ZMAT3: variants seen among roughly 807,000 people sequenced by gnomAD.
ZMAT3 encodes zinc finger matrin-type protein 3.
A neutral mutation model predicts 32.3 loss-of-function variants in ZMAT3; 17 were observed. The ratio of observed to expected loss-of-function variants is 0.53; its 90% CI spans 0.36 to 0.79. The LOEUF (loss-of-function observed/expected upper bound fraction) is 0.79, where lower values mean the gene tolerates loss of function less well. Ranked by LOEUF, ZMAT3 falls within the 30% of genes least tolerant of loss-of-function variation. The pLI, the probability that ZMAT3 is intolerant of heterozygous loss-of-function variation, is 0.00. For missense variants in ZMAT3, 329 were observed against 359.7 expected, an observed-to-expected ratio of 0.91 and a Z score of 0.69; for synonymous variants, 120 against 133.1, an observed-to-expected ratio of 0.90 and a Z score of 0.68.
At chr3:179,049,213 T>A (rs1282111662) in intron 2 of ZMAT3, among the ~76,000 whole-genome samples, 1 of 152,176 alleles carries the variant, frequency 6.6e-6, no homozygotes, top group African/African-American at 2.4e-5. Flanking sequence ...TAGACAGCAA[T>A]ACAATAATTG....
rs147851244 is a variant in ZMAT3 at position 179,035,323 on chromosome 3, C to T, written c.271-4324G>A. Reference sequence around the variant, plus strand: ...TCCCCTGCTCATTATGCTCCTGGCTCACTAGGCTGCATGTGCTCCTTAAAC... The same window carrying T: ...TCCCCTGCTCATTATGCTCCTGGCTTACTAGGCTGCATGTGCTCCTTAAAC... On this transcript the variant is annotated intron_variant, in intron 2 of 5. Transcript: ENST00000311417. Among the ~76,000 whole-genome samples, 1,167 of 152,354 alleles carry T rather than the reference C, an allele frequency of 7.7e-3. 6 individuals are homozygous for T. The highest frequency in any genetic ancestry group is 0.012 in the Non-Finnish European group (841 of 68,036).
chr3:179,034,151 C>T (rs75866281), intron 2 of ZMAT3, among the ~76,000 whole-genome samples: 8,726 of 152,280 alleles, frequency 0.057, 356 homozygotes, highest in East Asian at 0.22. Context: ...TGCAGGCAAA[C>T]ATTTATTCAC....
At chr3:179,050,473 A>T (rs1720496438) in intron 2 of ZMAT3, among the ~76,000 whole-genome samples, 1 of 152,176 alleles carries the variant, frequency 6.6e-6, no homozygotes, top group Non-Finnish European at 1.5e-5. Context: ...AATGGTAATT[A>T]AAAAGTTACC....
intron 5 of ZMAT3, among the ~76,000 whole-genome samples, chr3:179,026,550 C>T (rs1019222529): frequency 6.6e-6 from 1 of 151,904 alleles, no homozygotes; most frequent in Non-Finnish European, 1.5e-5. Flanking sequence ...CCATGCCCAG[C>T]TAATTTTGTA....
intron 2 of ZMAT3, among the ~76,000 whole-genome samples, chr3:179,061,258 G>A (rs1015560287): frequency 6.6e-6 from 1 of 152,172 alleles, no homozygotes; most frequent in Non-Finnish European, 1.5e-5. Flanking sequence ...CAAGGAGATA[G>A]AGGGATCTAG....
chr3:179,025,665 A>G (rs967009741), intron 5 of ZMAT3, among the ~76,000 whole-genome samples: 3 of 152,204 alleles, frequency 2.0e-5, no homozygotes, highest in African/African-American at 7.2e-5. Flanking sequence ...GTGATTATAA[A>G]AGCAAAAATT....
intron 2 of ZMAT3, among the ~76,000 whole-genome samples, chr3:179,039,095 G>A (rs570995612): frequency 6.6e-6 from 1 of 152,240 alleles, no homozygotes; most frequent in Non-Finnish European, 1.5e-5. Flanking sequence ...AGCTCAACAA[G>A]GCCTACTGCC....
chr3:179,017,532 C>G lies in ZMAT3; in HGVS notation c.*7485G>C, dbSNP rs1167645743. On this transcript the variant is annotated 3_prime_UTR_variant, in exon 6 of 6. Transcript: ENST00000311417. Reference sequence around the variant, plus strand: ...AGCAGTGACTGGCACTCCGACCCAACAGCATACACAGATCTTAAGCCTCTG... The same window carrying G: ...AGCAGTGACTGGCACTCCGACCCAAGAGCATACACAGATCTTAAGCCTCTG... The G allele has an allele frequency of 1.3e-5, 2 of 152,188 alleles. No individual in the cohort carries two copies. Among genetic ancestry groups the G allele is most frequent in the African/African-American group, 2.4e-5 (1 of 41,454 alleles). 9.4% of individuals were successfully genotyped at this position (152,188 alleles called of 1,614,324 possible).
chr3:179,051,401 C>T (rs773282899), intron 2 of ZMAT3, among the ~76,000 whole-genome samples: 1 of 151,864 alleles, frequency 6.6e-6, no homozygotes, highest in Non-Finnish European at 1.5e-5. Flanking sequence ...TTTTACAATA[C>T]CTACAAAAAA....
intron 2 of ZMAT3, among the ~76,000 whole-genome samples, chr3:179,042,865 C>T (rs546965857): frequency 1.3e-5 from 2 of 152,328 alleles, no homozygotes; most frequent in African/African-American, 4.8e-5. Context: ...TGATAAGCAA[C>T]ATCAGCAAAG....
chr3:179,030,735 G>T, intron 3 of ZMAT3, 145 bp downstream of exon 3: 1 of 1,288,750 alleles, frequency 7.8e-7, no homozygotes, highest in African/African-American at 1.5e-5. Flanking sequence ...AGTTCAAGGA[G>T]TTAAAAGTAC....
chr3:179,067,832 G>GAA, intron 1 of ZMAT3, 23 bp from the exon 2 acceptor site: 2 of 1,503,482 alleles, frequency 1.3e-6, no homozygotes, highest in Non-Finnish European at 1.8e-6. Context: ...CAAAAAAACA[G>GAA]AAAAAAAAAC....
intron 2 of ZMAT3, among the ~76,000 whole-genome samples, chr3:179,061,266 T>A (rs1721139323): frequency 6.6e-6 from 1 of 152,046 alleles, no homozygotes; most frequent in East Asian, 1.9e-4. Context: ...TAGAGGGATC[T>A]AGGATAAAAG....
intron 5 of ZMAT3, among the ~76,000 whole-genome samples, chr3:179,026,120 T>C (rs988112573): frequency 6.6e-6 from 1 of 152,166 alleles, no homozygotes; most frequent in African/African-American, 2.4e-5. Flanking sequence ...TATTTAGAAG[T>C]GTTTTTAAAT....
At chr3:179,070,728 A>G (rs1721665287) in intron 1 of ZMAT3, among the ~76,000 whole-genome samples, 1 of 152,266 alleles carries the variant, frequency 6.6e-6, no homozygotes, top group South Asian at 2.1e-4. Context: ...TTGCGATGGC[A>G]TAAATGAAGG....
Position 179,067,119 on chromosome 3 carries a change from T to C in ZMAT3, c.270+364A>G, listed in dbSNP as rs528989720. ...TGAGTTCGGTACATCATGGGTTTTTTTGTTTGTCTGAGACAAAGTCTCGCT... is the reference window on the plus strand; with the variant it reads ...TGAGTTCGGTACATCATGGGTTTTTCTGTTTGTCTGAGACAAAGTCTCGCT... On this transcript the variant is annotated intron_variant, in intron 2 of 5. Coordinates refer to ENST00000311417, the MANE Select transcript of ZMAT3 (RefSeq NM_022470.4). 9.2e-5 allele frequency among the ~76,000 whole-genome samples: 14 copies of C among 152,342 alleles called. 1 individual carries two copies. The South Asian group carries it at 2.9e-3, about 32-fold the overall frequency.
chr3:179,028,595 G>A (rs979326547), intron 3 of ZMAT3, among the ~76,000 whole-genome samples: 2 of 152,242 alleles, frequency 1.3e-5, no homozygotes, highest in African/African-American at 2.4e-5. Context: ...GCCCGGGAGG[G>A]TGGAGCCCAC....
chr3:179,039,144 A>C (rs1228061104), intron 2 of ZMAT3, among the ~76,000 whole-genome samples: 1 of 152,242 alleles, frequency 6.6e-6, no homozygotes, highest in African/African-American at 2.4e-5. Flanking sequence ...TAGCTGAACA[A>C]AAGGCAGCAG....
At chr3:179,065,752 A>G (rs569449506) in intron 2 of ZMAT3, among the ~76,000 whole-genome samples, 68 of 152,168 alleles carry the variant, frequency 4.5e-4, no homozygotes, top group Admixed American at 1.1e-3. Context: ...CCAAAAATAC[A>G]AAAATTAGCT....
Sources: gnomAD v4.1 joint callset for allele counts (sites outside exome capture counted in the v4.1 genomes callset) on GRCh38, gnomAD v4.1.1 for gene constraint, MANE v1.5 for transcripts, NCBI Gene and HGNC (gene_info 2026-07-23, HGNC 2026-07-21) for gene names.